Variants in ROBO1 observed in about 807,000 individuals in gnomAD.
ROBO1 encodes roundabout homolog 1.
Under a neutral mutation model 195.9 loss-of-function variants are expected in ROBO1, and 149 were observed. The observed-to-expected ratio is 0.76, with a 90% CI of 0.67 to 0.87. ROBO1 has a LOEUF of 0.87. ROBO1 is among the 40% of genes least tolerant of loss of function. ROBO1 has a pLI of 0.00. For missense variants in ROBO1, 1,933 were observed against 2,068.3 expected, an observed-to-expected ratio of 0.93 and a Z score of 1.27; for synonymous variants, 816 against 733.2, an observed-to-expected ratio of 1.11 and a Z score of -1.82.
chr3:78,937,898 G>T (rs562164010), intron 4 of ROBO1: 2 of 151,840 alleles, frequency 1.3e-5, no homozygotes, highest in African/African-American at 4.8e-5. Flanking sequence ...CCAGTTGAAG[G>T]TATTTTTCTT....
At chr3:79,375,547 A>G (rs1053270427) in intron 2 of ROBO1, among the ~76,000 whole-genome samples, 1 of 152,222 alleles carries the variant, frequency 6.6e-6, no homozygotes, top group East Asian at 1.9e-4. Flanking sequence ...AGATAATTAC[A>G]TACTCTATTT....
chr3:78,912,045 C>T (rs748034293), intron 4 of ROBO1, among the ~76,000 whole-genome samples: 4 of 151,910 alleles, frequency 2.6e-5, no homozygotes, highest in East Asian at 1.9e-4. Context: ...CCAATAACTT[C>T]GTAAGTCTGG....
chr3:79,765,827 A>C (rs1174251778), intron 1 of ROBO1, among the ~76,000 whole-genome samples: 1 of 152,130 alleles, frequency 6.6e-6, no homozygotes, highest in Non-Finnish European at 1.5e-5. Flanking sequence ...AGGGTCCTGC[A>C]TCTACGCTCC....
At chr3:78,931,236 C>CTTTTTTTTTTTTTTTT (rs71127369) in intron 4 of ROBO1, among the ~76,000 whole-genome samples, 15 of 79,206 alleles carry the variant, frequency 1.9e-4, no homozygotes, top group Non-Finnish European at 2.9e-4. Context: ...TTCTTTCTTT[C>CTTTTTTTTTTTTTTTT]TTTTTTTTTT....
In ROBO1 at chr3:79,479,417, A is replaced by G. The variant is rs1183424508; in HGVS notation, c.88+110407T>C. 7.2e-5 allele frequency among the ~76,000 whole-genome samples: 11 copies of G among 152,282 alleles called. No homozygotes were observed. The South Asian group carries it at 2.3e-3, about 32-fold the overall frequency. ...GTCCCGCCTTTCTGACAGGAGGCAG[A>G]GCTCAGGCGGTAATACTTGCCCACT... is the stretch of plus-strand genomic sequence containing the variant. On this transcript the variant is annotated intron_variant, in intron 2 of 30. Transcript: ENST00000464233.
intron 1 of ROBO1, among the ~76,000 whole-genome samples, chr3:79,619,268 C>T (rs1944927931): frequency 6.6e-6 from 1 of 152,148 alleles, no homozygotes. Flanking sequence ...TCACCACCCC[C>T]TTCTCTGTGT....
At chr3:79,299,737 C>T (rs889261015) in intron 2 of ROBO1, among the ~76,000 whole-genome samples, 3 of 150,906 alleles carry the variant, frequency 2.0e-5, no homozygotes, top group Non-Finnish European at 4.4e-5. Flanking sequence ...TGAAATCCAT[C>T]GAAAAGTTGA....
chr3:79,398,050 C>T (rs1324038260), intron 2 of ROBO1, among the ~76,000 whole-genome samples: 1 of 151,870 alleles, frequency 6.6e-6, no homozygotes, highest in Non-Finnish European at 1.5e-5. Context: ...ATTAATTATC[C>T]ATTGTCAAAT....
intron 2 of ROBO1, among the ~76,000 whole-genome samples, chr3:79,573,248 A>G (rs1030010545): frequency 3.3e-5 from 5 of 152,016 alleles, no homozygotes; most frequent in South Asian, 2.1e-4. Flanking sequence ...GAGAAACCCT[A>G]TCTTGCCCAT....
chr3:79,511,095 C>G (rs1575943889), intron 2 of ROBO1, among the ~76,000 whole-genome samples: 1 of 152,110 alleles, frequency 6.6e-6, no homozygotes, highest in African/African-American at 2.4e-5. Flanking sequence ...GCACAACACA[C>G]AAGATTTGTT....
At chr3:79,492,427 G>GA (rs57495210) in intron 2 of ROBO1, among the ~76,000 whole-genome samples, 88 of 109,524 alleles carry the variant, frequency 8.0e-4, no homozygotes, top group South Asian at 1.8e-3. Flanking sequence ...CTCTGTTTCA[G>GA]AAAAAAAAAA....
intron 2 of ROBO1, among the ~76,000 whole-genome samples, chr3:79,238,334 A>G (rs78191175): frequency 6.6e-6 from 1 of 152,148 alleles, no homozygotes; most frequent in African/African-American, 2.4e-5. Context: ...AAAGTCCTGA[A>G]TTTTTAAAAT....
At chr3:79,385,196 G>A (rs1257602649) in intron 2 of ROBO1, among the ~76,000 whole-genome samples, 5 of 152,086 alleles carry the variant, frequency 3.3e-5, no homozygotes, top group African/African-American at 9.7e-5. Flanking sequence ...TTGGACGCAT[G>A]AAGTTAAATT....
In ROBO1 at chr3:79,745,679, G is replaced by A. The variant is rs145436611; in HGVS notation, c.-51+22073C>T. On this transcript the variant is annotated intron_variant, in intron 1 of 30. Coordinates refer to ENST00000464233, the MANE Select transcript of ROBO1 (RefSeq NM_002941.4). ...TGTCATTATCATGTAAAAAGAGATA[G>A]CCAAGGTGTAACAAATGGTCATGTC... Among the ~76,000 whole-genome samples, 266 of 152,168 alleles carry A rather than the reference G, an allele frequency of 1.7e-3. 1 individual carries two copies. Among genetic ancestry groups the A allele is most frequent in the African/African-American group, 6.1e-3 (253 of 41,530 alleles).
intron 3 of ROBO1, among the ~76,000 whole-genome samples, chr3:78,949,977 G>T (rs1013934985): frequency 5.3e-5 from 8 of 152,302 alleles, no homozygotes; most frequent in African/African-American, 1.7e-4. Context: ...TCTCACACCA[G>T]TTAGAATGGC....
At chr3:79,267,521 G>A in intron 2 of ROBO1, among the ~76,000 whole-genome samples, 1 of 150,940 alleles carries the variant, frequency 6.6e-6, no homozygotes, top group Non-Finnish European at 1.5e-5. Flanking sequence ...GGATAGTGGT[G>A]GGAATCTTGT....
At chr3:79,450,702 A>G (rs2039415616) in intron 2 of ROBO1, among the ~76,000 whole-genome samples, 1 of 151,962 alleles carries the variant, frequency 6.6e-6, no homozygotes, top group African/African-American at 2.4e-5. Flanking sequence ...TTATATAAGA[A>G]AGATGAACAA....
intron 8 of ROBO1, among the ~76,000 whole-genome samples, chr3:78,699,593 T>TAATAA (rs930154655): frequency 1.3e-5 from 2 of 149,692 alleles, no homozygotes; most frequent in Non-Finnish European, 3.0e-5. Flanking sequence ...AATAATAATA[T>TAATAA]TAATAATAAT....
At chr3:79,541,050 C>A (rs948634931) in intron 2 of ROBO1, among the ~76,000 whole-genome samples, 1 of 151,872 alleles carries the variant, frequency 6.6e-6, no homozygotes, top group Non-Finnish European at 1.5e-5. Context: ...ACCTCAATAT[C>A]CTGGATGGAA....
Sources: allele counts gnomAD v4.1 joint callset (sites outside exome capture counted in the v4.1 genomes callset), GRCh38; gene constraint gnomAD v4.1.1; transcripts MANE v1.5; gene names NCBI Gene and HGNC (gene_info 2026-07-23, HGNC 2026-07-21).